Variants in BNIP2 observed in about 807,000 individuals in gnomAD.
BNIP2 encodes the protein BCL2 interacting protein 2.
In BNIP2, 36 loss-of-function variants were observed where a neutral mutation model predicts 43.4. The observed-to-expected ratio is 0.83, with a 90% CI of 0.64 to 1.10. The LOEUF (loss-of-function observed/expected upper bound fraction) is 1.10, where lower values mean the gene tolerates loss of function less well. BNIP2 is among the 50% of genes least tolerant of loss of function. The probability of loss-of-function intolerance (pLI) is 0.00; values close to 1 mark genes in which losing one functional copy is unlikely to be tolerated. For synonymous variants in BNIP2, 146 were observed against 121.0 expected (o/e 1.21, Z -1.35); for missense variants, 417 against 374.1 (o/e 1.11, Z -0.95).
intron 7 of BNIP2, among the ~76,000 whole-genome samples, chr15:59,670,688 T>C (rs1595691760): frequency 6.6e-6 from 1 of 152,250 alleles, no homozygotes; most frequent in South Asian, 2.1e-4. Context: ...AAAATTGATT[T>C]CCCTCACAAT....
In BNIP2 at chr15:59,681,448, A is replaced by G. The variant is rs1893664342; in HGVS notation, c.50+960T>C. Reference sequence around the variant, plus strand: ...TTTTTTTGGTGGGGGGGAACCCACAAATTTTTTTTTTTTTTTTTGAGATAG... The same window carrying G: ...TTTTTTTGGTGGGGGGGAACCCACAGATTTTTTTTTTTTTTTTTGAGATAG... On this transcript the variant is annotated intron_variant, in intron 2 of 9. Transcript: ENST00000607373. Among the ~76,000 whole-genome samples, 7 of 147,012 alleles carry G rather than the reference A, an allele frequency of 4.8e-5. No homozygotes were observed. In the South Asian group the frequency reaches 1.3e-3, roughly 28 times the overall value.
intron 1 of BNIP2, among the ~76,000 whole-genome samples, chr15:59,684,979 T>G (rs1448439685): frequency 1.3e-5 from 2 of 152,166 alleles, no homozygotes; most frequent in African/African-American, 4.8e-5. Flanking sequence ...TTGCTCAATC[T>G]CTTAGGCTTA....
At chr15:59,687,403 G>T in intron 1 of BNIP2, among the ~76,000 whole-genome samples, 1 of 147,490 alleles carries the variant, frequency 6.8e-6, no homozygotes, top group Non-Finnish European at 1.5e-5. Flanking sequence ...CCAGGCTGGA[G>T]TGCAGTGCTG....
At chr15:59,684,466 T>C (rs1893889964) in intron 1 of BNIP2, among the ~76,000 whole-genome samples, 1 of 152,038 alleles carries the variant, frequency 6.6e-6, no homozygotes, top group Admixed American at 6.6e-5. Context: ...TACCAAACAA[T>C]CCCCTCTGTT....
chr15:59,689,313 G>A lies in BNIP2; in HGVS notation c.-236C>T, dbSNP rs1461408013. The A allele has an allele frequency of 5.8e-6, 9 of 1,547,512 alleles. No homozygotes were observed. The highest frequency in any genetic ancestry group is 2.4e-5 in the East Asian group (1 of 40,828). ...GGCGTCGGCGGCAGCAGCTGACCCG[G>A]ACACAGTGAGAAGCCCCGGCGGAAG... On this transcript the variant is annotated 5_prime_UTR_variant, in exon 1 of 10. Transcript: ENST00000607373.
intron 1 of BNIP2, among the ~76,000 whole-genome samples, chr15:59,684,947 A>G (rs1345379685): frequency 6.6e-6 from 1 of 152,230 alleles, no homozygotes. Flanking sequence ...CCTGTAGGGT[A>G]TGGACACTGG....
rs397839513 is a variant in BNIP2 at position 59,689,273 on chromosome 15, C to G, written c.-196G>C. On this transcript the variant is annotated 5_prime_UTR_variant, in exon 1 of 10. Coordinates refer to ENST00000607373, the MANE Select transcript of BNIP2 (RefSeq NM_004330.4). Reference sequence around the variant, plus strand: ...CGGTGGAGACCCCGGCCCAATCCCCCGGCCGCAGCGGTACGGCGTCGGCGG... The same window carrying G: ...CGGTGGAGACCCCGGCCCAATCCCCGGGCCGCAGCGGTACGGCGTCGGCGG... 6.5e-7 allele frequency: 1 copy of G among 1,545,494 alleles called. No homozygotes were observed. The highest frequency in any genetic ancestry group is 1.2e-5 in the South Asian group (1 of 83,978).
At chr15:59,672,610 A>C in intron 6 of BNIP2, 27 bp downstream of exon 6, 2 of 1,534,586 alleles carry the variant, frequency 1.3e-6, no homozygotes, top group Non-Finnish European at 1.8e-6. Flanking sequence ...AATTCTGTCC[A>C]AATGTTTTTG....
intron 1 of BNIP2, chr15:59,688,614 G>C: frequency 2.4e-6 from 3 of 1,233,384 alleles, no homozygotes; most frequent in Middle Eastern, 2.0e-4. Context: ...GATTCACGCG[G>C]GGACTCGGCT....
intron 9 of BNIP2, among the ~76,000 whole-genome samples, chr15:59,664,542 C>A (rs1479761421): frequency 6.6e-6 from 1 of 152,004 alleles, no homozygotes; most frequent in African/African-American, 2.4e-5. Context: ...CCACCATGCC[C>A]GGCTAATTTT....
chr15:59,669,068 T>A (rs1170022961), intron 8 of BNIP2, 78 bp from the exon 9 acceptor site: 1 of 1,314,282 alleles, frequency 7.6e-7, no homozygotes, highest in African/African-American at 1.5e-5. Context: ...GATACAAAAA[T>A]CATGTCATTT....
intron 5 of BNIP2, chr15:59,676,792 T>C (rs1446217526): frequency 1.3e-6 from 2 of 1,513,136 alleles, no homozygotes; most frequent in African/African-American, 1.4e-5. Flanking sequence ...ATATCTGCGG[T>C]GGCCGCCTGG....
At position 59,678,026 on chromosome 15, in the gene BNIP2, T is replaced by A; in HGVS notation, c.357A>T (p.Thr119=). Residue 119 remains threonine (T), a synonymous_variant, in exon 5 of 10, where the codon ACA becomes ACT. Coordinates refer to ENST00000607373, the MANE Select transcript of BNIP2 (RefSeq NM_004330.4). The part of the protein sequence containing the change: ...VIRKGSITEY[T]AAEEKEDGRR... ...GTCCATCTTCTTTTTCCTCTGCTGC[T>A]GTGTATTCAGTAATTGAGCCTTTCC... is the stretch of plus-strand genomic sequence containing the variant. 6.2e-7 allele frequency: 1 copy of A among 1,613,982 alleles called. No homozygotes were observed. The highest frequency in any genetic ancestry group is 8.5e-7 in the Non-Finnish European group (1 of 1,179,862).
chr15:59,678,633 G>T, intron 4 of BNIP2: 1 of 1,156,246 alleles, frequency 8.6e-7, no homozygotes, highest in Non-Finnish European at 1.1e-6. Flanking sequence ...ATTTAAATTA[G>T]CATTAGCCAA....
chr15:59,666,466 A>T (rs1179855711), intron 9 of BNIP2, among the ~76,000 whole-genome samples: 3 of 152,190 alleles, frequency 2.0e-5, no homozygotes, highest in Non-Finnish European at 4.4e-5. Flanking sequence ...CAGGAGTTCG[A>T]GACCATCCTG....
Position 59,662,118 on chromosome 15 carries a change from AT to A in BNIP2, c.*1950del, listed in dbSNP as rs1476006311. 1.3e-5 allele frequency: 2 copies of A among 152,248 alleles called. No individual in the cohort carries two copies. The highest frequency in any genetic ancestry group is 2.9e-5 in the Non-Finnish European group (2 of 68,038). 9.4% of individuals were successfully genotyped at this position (152,248 alleles called of 1,614,324 possible). ...AATAATGCAAAAAAGAGTTGAAGTT[AT>A]TCTTCATATTTTTTAAACTGAAGAA... On this transcript the variant is annotated 3_prime_UTR_variant, in exon 10 of 10. Transcript: ENST00000607373.
At chr15:59,688,971 A>C (rs1040430887) in intron 1 of BNIP2, 164 bp downstream of exon 1, 17 of 1,441,182 alleles carry the variant, frequency 1.2e-5, no homozygotes, top group Non-Finnish European at 1.5e-5. Flanking sequence ...GGGATCCAGG[A>C]AGCACCTCCC....
Position 59,669,083 on chromosome 15 carries a change from T to C in BNIP2, c.795-93A>G. On this transcript the variant is annotated intron_variant, in intron 8 of 9. Transcript: ENST00000607373. ...GATACAAAAATCATGTCATTTTGAA[T>C]GTTCAAAACACAAAAAGATGATAAA... The C allele has an allele frequency of 4.9e-6, 6 of 1,227,192 alleles. No homozygotes were observed. In the South Asian group the frequency reaches 6.8e-5, roughly 14 times the overall value. The allele number at this position is 1,227,192 out of a possible 1,614,324, so 76.0% of individuals were successfully genotyped here. A position where few individuals can be genotyped will look rare whatever the true frequency, so the allele number is the denominator to read the frequency against.
intron 9 of BNIP2, among the ~76,000 whole-genome samples, chr15:59,666,477 G>A (rs971853501): frequency 2.0e-5 from 3 of 152,090 alleles, no homozygotes; most frequent in Admixed American, 2.0e-4. Context: ...GACCATCCTG[G>A]CCAACATGGT....
Sources: allele counts gnomAD v4.1 joint callset (sites outside exome capture counted in the v4.1 genomes callset), GRCh38; gene constraint gnomAD v4.1.1; transcripts MANE v1.5; gene names NCBI Gene and HGNC (gene_info 2026-07-23, HGNC 2026-07-21).